Variants in ZNF609 observed in about 807,000 individuals in gnomAD.
ZNF609 encodes the protein zinc finger protein 609.
Under a neutral mutation model 109.5 loss-of-function variants are expected in ZNF609, and 11 were observed. The ratio of observed to expected loss-of-function variants is 0.10; its 90% CI spans 0.06 to 0.17. The LOEUF (loss-of-function observed/expected upper bound fraction) is 0.17. ZNF609 is among the 10% of genes least tolerant of loss of function. The pLI, the probability that ZNF609 is intolerant of heterozygous loss-of-function variation, is 1.00. For missense variants in ZNF609, 1,559 were observed against 1,772.4 expected (o/e 0.88, Z 2.16); for synonymous variants, 646 against 662.0 (o/e 0.98, Z 0.37).
rs754487893 is a variant in ZNF609 at position 64,680,694 on chromosome 15, G to T, written c.3994G>T (p.Val1332Phe). 6.2e-7 allele frequency: 1 copy of T among 1,611,414 alleles called. No individual in the cohort carries two copies. Among genetic ancestry groups the T allele is most frequent in the South Asian group, 1.1e-5 (1 of 90,892 alleles). The change falls in exon 8 of 10, where the codon GTT (valine) becomes TTT (phenylalanine). Residue 1332 changes from valine (V) to phenylalanine (F), a missense_variant. Physicochemically the swap from Val to Phe is conservative, Grantham distance 50 (BLOSUM62 -1). Transcript: ENST00000326648. ...QERDRGGCGV[V>F]GGGGSCSSVG... Reference sequence around the variant, plus strand: ...GAGAGATCGAGGAGGCTGTGGGGTGGTTGGGGGTGGTGGCAGCTGTAGCAG... The same window carrying T: ...GAGAGATCGAGGAGGCTGTGGGGTGTTTGGGGGTGGTGGCAGCTGTAGCAG...
intron 2 of ZNF609, among the ~76,000 whole-genome samples, chr15:64,612,323 G>T (rs1595738934): frequency 6.6e-6 from 1 of 151,416 alleles, no homozygotes; most frequent in African/African-American, 2.4e-5. Flanking sequence ...AATTTTTTTT[G>T]TATTTTTAGT....
chr15:64,567,049 G>A (rs372810694), intron 2 of ZNF609, among the ~76,000 whole-genome samples: 9 of 152,344 alleles, frequency 5.9e-5, no homozygotes, highest in African/African-American at 2.2e-4. Context: ...CTATTAGGCA[G>A]TTATAAGGAA....
At chr15:64,573,034 C>A (rs1025254737) in intron 2 of ZNF609, among the ~76,000 whole-genome samples, 5 of 152,328 alleles carry the variant, frequency 3.3e-5, no homozygotes, top group African/African-American at 1.2e-4. Context: ...TTATACAAGA[C>A]ATAATTGAGC....
intron 3 of ZNF609, among the ~76,000 whole-genome samples, chr15:64,633,138 C>CGTTTT (rs72458134): frequency 6.7e-5 from 10 of 148,786 alleles, no homozygotes; most frequent in East Asian, 2.0e-4. Context: ...AGAAGTGACA[C>CGTTTT]GTTTTGTTTT....
intron 3 of ZNF609, among the ~76,000 whole-genome samples, chr15:64,645,008 T>TCTTTCTTTCTTCCTTCCTTCCTTCCTTC (rs1311156425): frequency 7.1e-6 from 1 of 140,064 alleles, no homozygotes. Context: ...TTTCTTTCTT[T>TCTTTCTTTCTTCCTTCCTTCCTTCCTTC]CTTCCTTCCT....
intron 2 of ZNF609, among the ~76,000 whole-genome samples, chr15:64,562,863 G>T (rs934855365): frequency 1.1e-5 from 1 of 90,726 alleles, no homozygotes; most frequent in Non-Finnish European, 2.3e-5. Context: ...GGAAAAGAGG[G>T]TAAGCGTGAG....
intron 3 of ZNF609, chr15:64,653,118 T>G (rs1012500422): frequency 1.3e-5 from 2 of 152,238 alleles, no homozygotes; most frequent in Non-Finnish European, 2.9e-5. Context: ...ATGCCTGATA[T>G]GACAGAGCTG....
At chr15:64,575,845 G>A (rs1181343944) in intron 2 of ZNF609, among the ~76,000 whole-genome samples, 2 of 152,230 alleles carry the variant, frequency 1.3e-5, no homozygotes, top group Non-Finnish European at 2.9e-5. Flanking sequence ...GCTCACGCCT[G>A]TAATCCCAGC....
intron 2 of ZNF609, among the ~76,000 whole-genome samples, chr15:64,522,011 G>C (rs1476240658): frequency 6.6e-6 from 1 of 152,162 alleles, no homozygotes; most frequent in African/African-American, 2.4e-5. Context: ...TAATGCTGAG[G>C]CATCTGGTGA....
chr15:64,521,117 A>C (rs750197464), intron 2 of ZNF609, among the ~76,000 whole-genome samples: 3 of 152,202 alleles, frequency 2.0e-5, no homozygotes, highest in Non-Finnish European at 2.9e-5. Flanking sequence ...AAATCCTTGG[A>C]TAGCACTCAA....
chr15:64,517,581 G>T (rs921090444), intron 2 of ZNF609, among the ~76,000 whole-genome samples: 1 of 151,976 alleles, frequency 6.6e-6, no homozygotes, highest in African/African-American at 2.4e-5. Context: ...TTAGGATAAA[G>T]AGTTGAAGCC....
chr15:64,596,049 C>G (rs913772449), intron 2 of ZNF609, among the ~76,000 whole-genome samples: 2 of 152,166 alleles, frequency 1.3e-5, no homozygotes, highest in African/African-American at 4.8e-5. Context: ...TGCCCATTCC[C>G]TCAGCCTCTT....
intron 2 of ZNF609, among the ~76,000 whole-genome samples, chr15:64,539,881 C>A (rs1386018960): frequency 6.6e-6 from 1 of 151,824 alleles, no homozygotes; most frequent in African/African-American, 2.4e-5. Flanking sequence ...AGATGATCAG[C>A]CCGCCCTGGC....
At chr15:64,576,471 G>A (rs1028987681) in intron 2 of ZNF609, among the ~76,000 whole-genome samples, 14 of 150,992 alleles carry the variant, frequency 9.3e-5, no homozygotes, top group Admixed American at 5.9e-4. Context: ...GTCAACACAC[G>A]TCACTGCTAT....
rs538239695 is a variant in ZNF609, at chr15:64,465,873, T to C, written c.-128+5035T>C. On this transcript the variant is annotated intron_variant, in intron 1 of 9. Coordinates refer to ENST00000326648, the MANE Select transcript of ZNF609 (RefSeq NM_015042.2). ...GCTCATGCCTGTAATCCCAGCACTT[T>C]GGGAGGCTGAGGCGGGCAGATCACC... Among the ~76,000 whole-genome samples, 7 of 151,856 alleles carry C rather than the reference T, an allele frequency of 4.6e-5. 1 individual carries two copies. In the East Asian group the frequency reaches 9.8e-4, roughly 21 times the overall value.
intron 2 of ZNF609, among the ~76,000 whole-genome samples, chr15:64,609,062 A>ATTTTTC (rs1567028203): frequency 9.4e-6 from 1 of 105,954 alleles, no homozygotes; most frequent in South Asian, 3.7e-4. Context: ...TTTAGTTTTA[A>ATTTTTC]TTTTTCTTTC....
intron 2 of ZNF609, among the ~76,000 whole-genome samples, chr15:64,611,268 A>G (rs570274033): frequency 9.7e-4 from 147 of 152,292 alleles, no homozygotes; most frequent in South Asian, 3.3e-3. Flanking sequence ...TTGGGTCTCT[A>G]TCATCACTCA....
chr15:64,460,236 G>A (rs1892916644), upstream of ZNF609, among the ~76,000 whole-genome samples: 1 of 152,084 alleles, frequency 6.6e-6, no homozygotes, highest in Non-Finnish European at 1.5e-5. Flanking sequence ...TGTCTTCTGT[G>A]TTATAAGGTG....
In ZNF609 at chr15:64,529,615, G is replaced by A. The variant is rs189468078; in HGVS notation, c.747+29449G>A. 2.0e-4 allele frequency: 229 copies of A among 1,140,248 alleles called. 2 individuals are homozygous for A. In the East Asian group the frequency reaches 5.1e-3, roughly 26 times the overall value. The allele number at this position is 1,140,248 out of a possible 1,614,324, so 70.6% of individuals were successfully genotyped here. A position where few individuals can be genotyped will look rare whatever the true frequency, so the allele number is the denominator to read the frequency against. On this transcript the variant is annotated intron_variant, in intron 2 of 9. Coordinates refer to ENST00000326648, the MANE Select transcript of ZNF609 (RefSeq NM_015042.2). ...TTTACCAGAGTTAAAAGCAGTCATG[G>A]TGCACCAGGCACCCAGTACGACCAA...
Sources: allele counts gnomAD v4.1 joint callset (sites outside exome capture counted in the v4.1 genomes callset), GRCh38; gene constraint gnomAD v4.1.1; transcripts MANE v1.5; gene names NCBI Gene and HGNC (gene_info 2026-07-23, HGNC 2026-07-21).